MYO16: variants seen among roughly 807,000 people sequenced by gnomAD.
The protein encoded by MYO16 is unconventional myosin-XVI.
A neutral mutation model predicts 205.3 loss-of-function variants in MYO16; 94 were observed. The observed-to-expected ratio is 0.46, with a 90% CI of 0.39 to 0.54. The LOEUF (loss-of-function observed/expected upper bound fraction) is 0.54. Among genes scored for constraint, MYO16 ranks in the 20% least tolerant of loss-of-function variants. MYO16 has a pLI of 0.00. For synonymous variants in MYO16, 988 were observed against 954.0 expected (o/e 1.04, Z -0.66); for missense variants, 2,315 against 2,387.5 (o/e 0.97, Z 0.63).
chr13:108,606,326 T>C (rs1878957248), intron 1 of MYO16, among the ~76,000 whole-genome samples: 1 of 152,218 alleles, frequency 6.6e-6, no homozygotes, highest in Non-Finnish European at 1.5e-5. Context: ...GTTCTCATTA[T>C]AGGCCCAGAG....
chr13:108,952,418 C>T (rs1199558560), intron 16 of MYO16, among the ~76,000 whole-genome samples: 1 of 152,126 alleles, frequency 6.6e-6, no homozygotes, highest in South Asian at 2.1e-4. Flanking sequence ...CAACTTTAAA[C>T]AAACTTCAGT....
At chr13:108,607,729 G>C (rs745732388) in intron 1 of MYO16, among the ~76,000 whole-genome samples, 1 of 152,098 alleles carries the variant, frequency 6.6e-6, no homozygotes, top group African/African-American at 2.4e-5. Context: ...AGAAAGAATG[G>C]AACCCCGACA....
chr13:109,017,186 C>T (rs1885856826), intron 22 of MYO16, among the ~76,000 whole-genome samples: 1 of 152,132 alleles, frequency 6.6e-6, no homozygotes, highest in Non-Finnish European at 1.5e-5. Flanking sequence ...TCAGCATTTG[C>T]TTGTCTATAA....
At chr13:108,784,484 G>A (rs549091062) in intron 4 of MYO16, among the ~76,000 whole-genome samples, 42 of 152,146 alleles carry the variant, frequency 2.8e-4, no homozygotes, top group African/African-American at 7.5e-4. Context: ...ATTTTACCAC[G>A]TTAAGCTACT....
intron 28 of MYO16, 101 bp from the exon 29 acceptor site, chr13:109,120,269 C>A: frequency 1.3e-6 from 1 of 780,200 alleles, no homozygotes; most frequent in Non-Finnish European, 2.1e-6. Flanking sequence ...GAGTTTGTTT[C>A]TTCTAATCCT....
intron 1 of MYO16, among the ~76,000 whole-genome samples, chr13:108,660,154 A>G (rs554892268): frequency 6.6e-5 from 10 of 152,298 alleles, no homozygotes; most frequent in South Asian, 6.2e-4. Flanking sequence ...TAAGAGTGAT[A>G]AATACTAAGG....
intron 28 of MYO16, among the ~76,000 whole-genome samples, chr13:109,120,115 A>G (rs1875919070): frequency 6.6e-6 from 1 of 152,196 alleles, no homozygotes; most frequent in South Asian, 2.1e-4. Flanking sequence ...TTTGCACCAC[A>G]TGGTACAACC....
At chr13:108,758,003 T>C (rs1885478844) in intron 4 of MYO16, among the ~76,000 whole-genome samples, 1 of 152,108 alleles carries the variant, frequency 6.6e-6, no homozygotes, top group African/African-American at 2.4e-5. Flanking sequence ...GAGGTGATAG[T>C]CGTGAGGATA....
At chr13:108,992,540 A>G (rs757376358) in intron 21 of MYO16, 92 bp downstream of exon 21, 146 of 697,400 alleles carry the variant, frequency 2.1e-4, no homozygotes, top group Non-Finnish European at 3.2e-4. Flanking sequence ...GTAACTACTT[A>G]CAAATATGGA....
At chr13:109,120,054 T>A (rs1399318450) in intron 28 of MYO16, among the ~76,000 whole-genome samples, 1 of 152,188 alleles carries the variant, frequency 6.6e-6, no homozygotes, top group Non-Finnish European at 1.5e-5. Context: ...GAGAATCCAT[T>A]CATGGGGATG....
At chr13:108,872,824 T>C (rs1046082765) in intron 12 of MYO16, among the ~76,000 whole-genome samples, 1 of 152,138 alleles carries the variant, frequency 6.6e-6, no homozygotes, top group Non-Finnish European at 1.5e-5. Context: ...TGCACTGATA[T>C]AAAGCTTACA....
chr13:108,614,118 T>C (rs922707537), intron 1 of MYO16, among the ~76,000 whole-genome samples: 1 of 151,850 alleles, frequency 6.6e-6, no homozygotes, highest in Non-Finnish European at 1.5e-5. Context: ...AATAAATGAG[T>C]TCTGAATGTT....
At chr13:108,688,797 CCG>C (rs941471957) in intron 2 of MYO16, among the ~76,000 whole-genome samples, 1 of 152,108 alleles carries the variant, frequency 6.6e-6, no homozygotes, top group African/African-American at 2.4e-5. Flanking sequence ...TTTAGAAAGA[CCG>C]TCAATTTTGG....
the MYO16 span, among the ~76,000 whole-genome samples, chr13:108,499,519 C>A: frequency 2.6e-5 from 4 of 152,192 alleles, no homozygotes; most frequent in Non-Finnish European, 4.4e-5. Flanking sequence ...GCACCCCCAA[C>A]CCCCCATCTA....
At chr13:109,134,270 G>C (rs1876669174) in intron 31 of MYO16, among the ~76,000 whole-genome samples, 1 of 152,142 alleles carries the variant, frequency 6.6e-6, no homozygotes, top group African/African-American at 2.4e-5. Context: ...GTTCTCAACA[G>C]CCTCCCAACA....
intron 7 of MYO16, among the ~76,000 whole-genome samples, chr13:108,807,624 A>T (rs1887154849): frequency 6.6e-6 from 1 of 152,088 alleles, no homozygotes; most frequent in African/African-American, 2.4e-5. Context: ...AGTTTCTTCG[A>T]GGCTATCCCA....
At chr13:108,772,908 A>C (rs1388641230) in intron 4 of MYO16, among the ~76,000 whole-genome samples, 2 of 152,142 alleles carry the variant, frequency 1.3e-5, no homozygotes, top group African/African-American at 4.8e-5. Flanking sequence ...TGGATGTCTT[A>C]GTCTGTTTGG....
chr13:108,718,922 C>T (rs1336141964), intron 3 of MYO16, among the ~76,000 whole-genome samples: 1 of 151,928 alleles, frequency 6.6e-6, no homozygotes, highest in Non-Finnish European at 1.5e-5. Context: ...GCTTAGGGGA[C>T]AAAAGGGCAA....
chr13:109,041,609 T>G (rs1460956045), intron 23 of MYO16, among the ~76,000 whole-genome samples: 1 of 152,226 alleles, frequency 6.6e-6, no homozygotes, highest in Admixed American at 6.5e-5. Flanking sequence ...CGTGTGGTGA[T>G]GTAAATATTC....
Sources: gnomAD v4.1 joint callset for allele counts (sites outside exome capture counted in the v4.1 genomes callset) on GRCh38, gnomAD v4.1.1 for gene constraint, MANE v1.5 for transcripts, NCBI Gene and HGNC (gene_info 2026-07-23, HGNC 2026-07-21) for gene names.